Variants in NAALADL2 observed in about 807,000 individuals in gnomAD.
NAALADL2 encodes N-acetylated alpha-linked acidic dipeptidase like 2, also known as inactive N-acetylated-alpha-linked acidic dipeptidase-like protein 2.
NAALADL2 carries 76 observed loss-of-function variants against 87.2 expected under a neutral mutation model. That is an observed-to-expected ratio of 0.87 (90% CI 0.72 to 1.05). The LOEUF (loss-of-function observed/expected upper bound fraction) is 1.05. NAALADL2 is among the 50% of genes least tolerant of loss of function. The pLI is 0.00. For synonymous variants in NAALADL2, 354 were observed against 331.0 expected (o/e 1.07, Z -0.75); for missense variants, 1,089 against 945.8 (o/e 1.15, Z -1.99).
At chr3:175,332,023 G>GAATA (rs1389617297) in intron 5 of NAALADL2, among the ~76,000 whole-genome samples, 2 of 151,890 alleles carry the variant, frequency 1.3e-5, no homozygotes, top group Non-Finnish European at 2.9e-5. Flanking sequence ...TTTAAACAAG[G>GAATA]AAATTAAAGA....
intron 2 of NAALADL2, among the ~76,000 whole-genome samples, chr3:175,204,876 ATAATT>A (rs1740587804): frequency 6.6e-6 from 1 of 152,064 alleles, no homozygotes; most frequent in South Asian, 2.1e-4. Flanking sequence ...ATAAAATAAA[ATAATT>A]AGGAATATAC....
At chr3:175,021,586 G>A (rs1269086500) in intron 1 of NAALADL2, among the ~76,000 whole-genome samples, 2 of 152,046 alleles carry the variant, frequency 1.3e-5, no homozygotes, top group East Asian at 1.9e-4. Flanking sequence ...TATTGAACTT[G>A]TGGAGAAGTC....
At chr3:174,610,858 A>G (rs1376541664) in intron 2 of NAALADL2, among the ~76,000 whole-genome samples, 1 of 152,206 alleles carries the variant, frequency 6.6e-6, no homozygotes, top group East Asian at 1.9e-4. Flanking sequence ...ATAAAGACAC[A>G]TGCACACATA....
At chr3:175,337,450 T>C (rs1179375528) in intron 5 of NAALADL2, among the ~76,000 whole-genome samples, 1 of 152,124 alleles carries the variant, frequency 6.6e-6, no homozygotes, top group Non-Finnish European at 1.5e-5. Context: ...AATGAAGGCA[T>C]TGGGGCATTT....
At chr3:175,277,934 T>C (rs1423820108) in intron 4 of NAALADL2, among the ~76,000 whole-genome samples, 1 of 152,178 alleles carries the variant, frequency 6.6e-6, no homozygotes, top group Non-Finnish European at 1.5e-5. Context: ...ATTTCAAGCC[T>C]CCTGCATAAA....
intron 2 of NAALADL2, among the ~76,000 whole-genome samples, chr3:175,192,706 G>A (rs566474166): frequency 2.4e-4 from 36 of 152,102 alleles, no homozygotes; most frequent in Admixed American, 1.9e-3. Flanking sequence ...TAACAACGAT[G>A]TTAGCCAAAT....
chr3:175,318,098 TTAAA>T (rs1338028354), intron 4 of NAALADL2, among the ~76,000 whole-genome samples: 3 of 152,152 alleles, frequency 2.0e-5, no homozygotes, highest in African/African-American at 7.2e-5. Context: ...CAGGGATTCG[TTAAA>T]TAACATGTAT....
intron 1 of NAALADL2, among the ~76,000 whole-genome samples, chr3:174,522,933 C>CAAAA (rs57653560): frequency 2.6e-5 from 2 of 75,822 alleles, no homozygotes; most frequent in Non-Finnish European, 2.4e-5. Context: ...GACTCTGTCT[C>CAAAA]AAAAAAAAAA....
intron 2 of NAALADL2, among the ~76,000 whole-genome samples, chr3:174,665,924 C>T (rs1324957080): frequency 6.6e-6 from 1 of 152,106 alleles, no homozygotes; most frequent in African/African-American, 2.4e-5. Context: ...ATAGCATTCT[C>T]CTTTCTGTGT....
chr3:175,408,394 T>C (rs1416023535), intron 5 of NAALADL2, among the ~76,000 whole-genome samples: 2 of 152,078 alleles, frequency 1.3e-5, no homozygotes, highest in Non-Finnish European at 2.9e-5. Flanking sequence ...CATAAATATA[T>C]ACAATTATTA....
At chr3:175,358,387 T>C (rs557742119) in intron 5 of NAALADL2, among the ~76,000 whole-genome samples, 1 of 152,228 alleles carries the variant, frequency 6.6e-6, no homozygotes, top group Non-Finnish European at 1.5e-5. Flanking sequence ...AGGAGTCTGA[T>C]TCAATTACTG....
intron 13 of NAALADL2, among the ~76,000 whole-genome samples, chr3:175,791,269 T>C (rs1752745329): frequency 6.6e-6 from 1 of 152,208 alleles, no homozygotes; most frequent in South Asian, 2.1e-4. Flanking sequence ...TTTTAAAATT[T>C]ATTTTATTTT....
chr3:175,776,980 C>T (rs1408294280), intron 13 of NAALADL2, among the ~76,000 whole-genome samples: 1 of 151,816 alleles, frequency 6.6e-6, no homozygotes, highest in Non-Finnish European at 1.5e-5. Flanking sequence ...AAACTGACTA[C>T]ATTGTTAGAA....
At chr3:174,441,959 A>C (rs1314251643) in intron 1 of NAALADL2, among the ~76,000 whole-genome samples, 1 of 152,166 alleles carries the variant, frequency 6.6e-6, no homozygotes, top group Admixed American at 6.5e-5. Flanking sequence ...CCTGCGGAAC[A>C]GAAAAGATAG....
intron 3 of NAALADL2, among the ~76,000 whole-genome samples, chr3:174,781,806 T>C (rs898488429): frequency 1.7e-4 from 26 of 152,120 alleles, no homozygotes; most frequent in African/African-American, 6.0e-4. Flanking sequence ...GAACTTACAG[T>C]GGAGAAATAG....
chr3:175,587,333 C>T (rs1720679923), intron 10 of NAALADL2, among the ~76,000 whole-genome samples: 1 of 152,130 alleles, frequency 6.6e-6, no homozygotes, highest in Non-Finnish European at 1.5e-5. Context: ...CTATGTAGTT[C>T]AAACTCATAA....
chr3:174,917,467 A>G (rs1734569866), intron 1 of NAALADL2, among the ~76,000 whole-genome samples: 1 of 152,084 alleles, frequency 6.6e-6, no homozygotes, highest in Non-Finnish European at 1.5e-5. Flanking sequence ...TTTGTTTATG[A>G]TATTCCTTAA....
chr3:174,640,659 GTGTC>G (rs757920749), intron 2 of NAALADL2, among the ~76,000 whole-genome samples: 2 of 152,204 alleles, frequency 1.3e-5, no homozygotes, highest in Non-Finnish European at 2.9e-5. Context: ...TCTGGCCAGG[GTGTC>G]TGGCCCTCGG....
chr3:175,137,216 C>T (rs952273721), intron 2 of NAALADL2, among the ~76,000 whole-genome samples: 3 of 151,950 alleles, frequency 2.0e-5, no homozygotes, highest in African/African-American at 4.8e-5. Context: ...AAAAGGTTAC[C>T]TTCATTAGTT....
Sources: allele counts gnomAD v4.1 joint callset (sites outside exome capture counted in the v4.1 genomes callset), GRCh38; gene constraint gnomAD v4.1.1; transcripts MANE v1.5; gene names NCBI Gene and HGNC (gene_info 2026-07-23, HGNC 2026-07-21).